SERPINE2: variants seen among roughly 807,000 people sequenced by gnomAD.
The protein encoded by SERPINE2 is glia-derived nexin.
A neutral mutation model predicts 36.3 loss-of-function variants in SERPINE2; 14 were observed. The observed-to-expected ratio is 0.39, with a 90% CI of 0.25 to 0.60. The LOEUF is 0.60. SERPINE2 is among the 20% of genes least tolerant of loss of function. The pLI is 0.57. For synonymous variants in SERPINE2, 192 were observed against 191.8 expected, an observed-to-expected ratio of 1.00 and a Z score of -0.01; for missense variants, 418 against 499.6, an observed-to-expected ratio of 0.84 and a Z score of 1.56.
In SERPINE2 at chr2:223,977,632, G is replaced by C. The variant is rs372168691; in HGVS notation, c.1073-5C>G. The C allele has an allele frequency of 1.4e-5, 22 of 1,598,832 alleles. No individual in the cohort carries two copies. The highest frequency in any genetic ancestry group is 3.3e-5 in the Admixed American group (2 of 59,960). On this transcript the variant is annotated splice_polypyrimidine_tract_variant and splice_region_variant and intron_variant, in intron 7 of 8. Coordinates refer to ENST00000409304, the MANE Select transcript of SERPINE2 (RefSeq NM_001136528.2). ...ATCTTGCAATGAGAATTGCAGCTAC[G>C]GGAAGAAAAGGAAAATGTGTTGTGC...
chr2:224,038,973 C>G (rs1260274782), intron 1 of SERPINE2, 126 bp downstream of exon 1: 1 of 154,090 alleles, frequency 6.5e-6, no homozygotes, highest in African/African-American at 2.4e-5. Context: ...TCCCGCTGGC[C>G]CCGCAGCTTC....
intron 1 of SERPINE2, among the ~76,000 whole-genome samples, chr2:224,014,571 T>C (rs911886518): frequency 6.6e-6 from 1 of 152,172 alleles, no homozygotes; most frequent in African/African-American, 2.4e-5. Flanking sequence ...GTGTGTTCTC[T>C]TGTGCCCTAG....
chr2:223,980,634 G>A, intron 6 of SERPINE2: 1 of 455,076 alleles, frequency 2.2e-6, no homozygotes, highest in Non-Finnish European at 4.0e-6. Context: ...GCCCTCAAAT[G>A]ATTTAGTGCC....
At chr2:224,020,651 T>C (rs1691966999) in intron 1 of SERPINE2, among the ~76,000 whole-genome samples, 1 of 152,174 alleles carries the variant, frequency 6.6e-6, no homozygotes, top group African/African-American at 2.4e-5. Context: ...GCCCCACGAG[T>C]CATTTAAATA....
intron 2 of SERPINE2, among the ~76,000 whole-genome samples, chr2:223,999,484 AG>A (rs776027845): frequency 1.3e-3 from 202 of 151,960 alleles, no homozygotes; most frequent in Middle Eastern, 3.4e-3. Context: ...TACACGGGGG[AG>A]GGGGGCAGTC....
At position 224,005,065 on chromosome 2, in the gene SERPINE2, T is replaced by TTATATATTTATATATA. The variant is rs1553547022; in HGVS notation, c.-22-3144_-22-3143insTATATATAAATATATA. On this transcript the variant is annotated intron_variant, in intron 1 of 8. Transcript: ENST00000409304. Reference sequence around the variant, plus strand: ...ATATATTTTATATATTTTATATATATTATATATATATATATATATATATAT... The same window carrying TTATATATTTATATATA: ...ATATATTTTATATATTTTATATATATTATATATTTATATATATATATATATATATATATATATATAT... Among the ~76,000 whole-genome samples the TTATATATTTATATATA allele has an allele frequency of 1.5e-3, 52 of 33,560 alleles. 1 individual carries two copies. The highest frequency in any genetic ancestry group is 3.7e-3 in the African/African-American group (37 of 10,028). 22.0% of individuals were successfully genotyped at this position (33,560 alleles called of 152,430 possible).
intron 1 of SERPINE2, among the ~76,000 whole-genome samples, chr2:224,008,857 T>C (rs1691517671): frequency 1.3e-5 from 2 of 152,232 alleles, no homozygotes; most frequent in South Asian, 4.1e-4. Flanking sequence ...ATTCAAATTA[T>C]GAGAGCCAGA....
chr2:223,996,580 T>G (rs1414790597), intron 3 of SERPINE2, among the ~76,000 whole-genome samples: 1 of 152,220 alleles, frequency 6.6e-6, no homozygotes. Context: ...AGAGGCAGAC[T>G]GGGAGTTGCC....
chr2:224,024,890 T>C (rs546188594), intron 1 of SERPINE2, among the ~76,000 whole-genome samples: 1 of 152,316 alleles, frequency 6.6e-6, no homozygotes, highest in East Asian at 1.9e-4. Flanking sequence ...TCTTTAGGGA[T>C]GAAGGGGGCT....
chr2:224,020,342 A>C (rs1357076398), intron 1 of SERPINE2, among the ~76,000 whole-genome samples: 1 of 152,200 alleles, frequency 6.6e-6, no homozygotes, highest in Non-Finnish European at 1.5e-5. Flanking sequence ...GGGTCTTTCC[A>C]TATCTGGTCT....
intron 1 of SERPINE2, among the ~76,000 whole-genome samples, chr2:224,033,700 C>T (rs187626512): frequency 2.0e-5 from 3 of 148,754 alleles, no homozygotes; most frequent in African/African-American, 7.4e-5. Flanking sequence ...TCATATATCA[C>T]CATCACCAAA....
chr2:223,975,978 T>C, intron 8 of SERPINE2, 74 bp from the exon 9 acceptor site: 22 of 1,383,274 alleles, frequency 1.6e-5, no homozygotes, highest in Non-Finnish European at 2.2e-5. Context: ...AGGTATTCTA[T>C]TTAAGGGAAG....
chr2:224,017,959 C>T (rs1691854531), intron 1 of SERPINE2, among the ~76,000 whole-genome samples: 2 of 152,208 alleles, frequency 1.3e-5, no homozygotes, highest in Non-Finnish European at 2.9e-5. Context: ...TTAAAGCTGC[C>T]TTTAAGACTT....
chr2:223,981,100 T>A (rs1412447706), intron 6 of SERPINE2: 1 of 152,284 alleles, frequency 6.6e-6, no homozygotes, highest in African/African-American at 2.4e-5. Context: ...TTGATATTAG[T>A]CTGGATGGGA....
At chr2:224,016,436 A>C (rs1235624205) in intron 1 of SERPINE2, among the ~76,000 whole-genome samples, 10 of 151,510 alleles carry the variant, frequency 6.6e-5, no homozygotes, top group Non-Finnish European at 2.9e-5. Flanking sequence ...AACCCGGGAG[A>C]TGGAGGTTGC....
rs183125892 is a variant in SERPINE2 at position 224,016,807 on chromosome 2, T to C, written c.-22-14885A>G. On this transcript the variant is annotated intron_variant, in intron 1 of 8. Transcript: ENST00000409304. ...TACTCAGTAATAAAGAGAAATAAAC[T>C]ACTGACACACAAAACAACTTGGTTG... Among the ~76,000 whole-genome samples the C allele has an allele frequency of 3.3e-5, 5 of 152,306 alleles. No individual in the cohort carries two copies. In the East Asian group the frequency reaches 7.7e-4, roughly 23 times the overall value.
chr2:224,009,422 C>T (rs1019802350), intron 1 of SERPINE2, among the ~76,000 whole-genome samples: 2 of 152,260 alleles, frequency 1.3e-5, no homozygotes, highest in South Asian at 2.1e-4. Flanking sequence ...AGGCCGGGCA[C>T]GGTGGCTCAA....
intron 1 of SERPINE2, among the ~76,000 whole-genome samples, chr2:224,028,717 T>C (rs1442565364): frequency 2.0e-5 from 3 of 152,208 alleles, no homozygotes; most frequent in African/African-American, 7.2e-5. Context: ...AGATGCCTAA[T>C]AGTACTTGAC....
At chr2:224,030,796 T>G (rs1020280035) in intron 1 of SERPINE2, 12 of 195,810 alleles carry the variant, frequency 6.1e-5, no homozygotes, top group Admixed American at 4.6e-4. Flanking sequence ...ACACTTGTTC[T>G]GTGATTCTGC....
Sources: gnomAD v4.1 joint callset for allele counts (sites outside exome capture counted in the v4.1 genomes callset) on GRCh38, gnomAD v4.1.1 for gene constraint, MANE v1.5 for transcripts, NCBI Gene and HGNC (gene_info 2026-07-23, HGNC 2026-07-21) for gene names.